EFNB2: variants seen among roughly 807,000 people sequenced by gnomAD.
The protein encoded by EFNB2 is ephrin-B2.
In EFNB2, 5 loss-of-function variants were observed where a neutral mutation model predicts 32.1. The ratio of observed to expected loss-of-function variants is 0.16; its 90% CI spans 0.08 to 0.33. EFNB2 has a LOEUF of 0.33. Ranked by LOEUF, EFNB2 falls within the 10% of genes least tolerant of loss-of-function variation. EFNB2 has a pLI of 1.00. For missense variants in EFNB2, 263 were observed against 422.6 expected (o/e 0.62, Z 3.31); for synonymous variants, 168 against 166.5 (o/e 1.01, Z -0.07).
chr13:106,509,627 C>CTCTGTG (rs1879067124), intron 2 of EFNB2, among the ~76,000 whole-genome samples: 1 of 142,572 alleles, frequency 7.0e-6, no homozygotes, highest in Non-Finnish European at 1.5e-5. Flanking sequence ...CAGAGCTTGA[C>CTCTGTG]TGTGTGTGTG....
chr13:106,520,363 G>C (rs1275533971), intron 1 of EFNB2: 1 of 152,184 alleles, frequency 6.6e-6, no homozygotes, highest in Non-Finnish European at 1.5e-5. Context: ...TAATTGGCTG[G>C]TGTTTCCAGT....
chr13:106,499,946 A>G (rs1371769433), intron 2 of EFNB2, among the ~76,000 whole-genome samples: 1 of 152,184 alleles, frequency 6.6e-6, no homozygotes, highest in Admixed American at 6.5e-5. Flanking sequence ...TTGCGTTCAC[A>G]TCGTCTAAAA....
chr13:106,496,308 C>A (rs1438821032), intron 2 of EFNB2, among the ~76,000 whole-genome samples: 2 of 152,188 alleles, frequency 1.3e-5, no homozygotes, highest in Non-Finnish European at 2.9e-5. Context: ...GTCAAGCATC[C>A]AAGTTCTGTA....
At chr13:106,508,253 G>C (rs1879024465) in intron 2 of EFNB2, among the ~76,000 whole-genome samples, 1 of 152,092 alleles carries the variant, frequency 6.6e-6, no homozygotes, top group Non-Finnish European at 1.5e-5. Context: ...ACACAAGAAG[G>C]CTTTCCCAGT....
intron 2 of EFNB2, among the ~76,000 whole-genome samples, chr13:106,498,818 G>GA (rs981374128): frequency 7.2e-5 from 11 of 152,266 alleles, no homozygotes; most frequent in Middle Eastern, 3.4e-3. Context: ...AAAGTGGGCT[G>GA]AACAGTCTGA....
At chr13:106,510,595 A>G (rs11840214) in intron 2 of EFNB2, among the ~76,000 whole-genome samples, 31,048 of 151,478 alleles carry the variant, frequency 0.2, 4,797 homozygotes, top group African/African-American at 0.43. Flanking sequence ...TTCCCGTACC[A>G]CGACCTTCTT....
At chr13:106,509,978 C>G (rs1594168433) in intron 2 of EFNB2, 1 of 152,202 alleles carries the variant, frequency 6.6e-6, no homozygotes, top group African/African-American at 2.4e-5. Flanking sequence ...CTTCTTAGCC[C>G]TGAGTCCTCC....
At chr13:106,496,048 C>A (rs537728533) in intron 2 of EFNB2, among the ~76,000 whole-genome samples, 2 of 152,216 alleles carry the variant, frequency 1.3e-5, no homozygotes, top group Non-Finnish European at 2.9e-5. Context: ...GAAACACTGC[C>A]GCACGTATGC....
chr13:106,500,587 C>A (rs1043921485), intron 2 of EFNB2, among the ~76,000 whole-genome samples: 1 of 152,190 alleles, frequency 6.6e-6, no homozygotes, highest in Non-Finnish European at 1.5e-5. Flanking sequence ...GTCATGAAAA[C>A]CACAGAGTCG....
Position 106,493,907 on chromosome 13 carries a change from G to A in EFNB2, c.614-479C>T, listed in dbSNP as rs1263354630. On this transcript the variant is annotated intron_variant, in intron 4 of 4. Coordinates refer to ENST00000646441, the MANE Select transcript of EFNB2 (RefSeq NM_004093.4). This position sits in a 1 kb window ranked among gnomAD's most constrained non-coding sequence, Gnocchi z 6.1. ...GCCTCCTGGCAGAACAGAACAGCTCGGGAACGCGGAAGGAGTGAGGGGGCC... is the reference window on the plus strand; with the variant it reads ...GCCTCCTGGCAGAACAGAACAGCTCAGGAACGCGGAAGGAGTGAGGGGGCC... Among the ~76,000 whole-genome samples the A allele has an allele frequency of 1.3e-5, 2 of 152,326 alleles. No individual in the cohort carries two copies. The highest frequency in any genetic ancestry group is 2.9e-5 in the Non-Finnish European group (2 of 68,034).
chr13:106,526,614 CT>C (rs1018188357), intron 1 of EFNB2, among the ~76,000 whole-genome samples: 3 of 151,286 alleles, frequency 2.0e-5, no homozygotes, highest in Admixed American at 1.3e-4. Context: ...CGAGAACTTG[CT>C]TTTTTTTTAA....
At position 106,492,430 on chromosome 13, in the gene EFNB2, T is replaced by C. The variant is rs1396583559; in HGVS notation, c.*610A>G. On this transcript the variant is annotated 3_prime_UTR_variant, in exon 5 of 5. Transcript: ENST00000646441. The surrounding 1 kb of genome is among the most constrained non-coding windows in gnomAD (Gnocchi z 5.1). ...GATTACCCATGGACTGAAGCTGTTGTTGCCAGCGGCTGGAGGAGGGGACTC... is the reference window on the plus strand; with the variant it reads ...GATTACCCATGGACTGAAGCTGTTGCTGCCAGCGGCTGGAGGAGGGGACTC... The C allele has an allele frequency of 1.3e-5, 2 of 152,854 alleles. No homozygotes were observed. Among genetic ancestry groups the C allele is most frequent in the African/African-American group, 2.4e-5 (1 of 41,456 alleles). 9.5% of individuals were successfully genotyped at this position (152,854 alleles called of 1,614,324 possible).
chr13:106,513,763 G>GT (rs11393604), intron 1 of EFNB2, among the ~76,000 whole-genome samples: 136,811 of 152,094 alleles, frequency 0.9, 61,638 homozygotes, highest in Middle Eastern at 0.94. Flanking sequence ...ATCTCAGCTC[G>GT]TTCGTAAGCA....
intron 1 of EFNB2, chr13:106,520,860 T>A (rs2138932676): frequency 6.6e-6 from 1 of 152,264 alleles, no homozygotes; most frequent in Non-Finnish European, 1.5e-5. Context: ...ATCAGAGAAA[T>A]ACTGGGGTGT....
chr13:106,491,302 G>C lies in EFNB2; in HGVS notation c.*1738C>G, dbSNP rs376225757. Reference sequence around the variant, plus strand: ...GTCTACGGTTCCGTGAGATGCCTTCGGAGGACTTGGTTATTTTTGCATTTG... The same window carrying C: ...GTCTACGGTTCCGTGAGATGCCTTCCGAGGACTTGGTTATTTTTGCATTTG... On this transcript the variant is annotated 3_prime_UTR_variant, in exon 5 of 5. Transcript: ENST00000646441. The C allele has an allele frequency of 6.6e-6, 1 of 152,560 alleles. No homozygotes were observed. Among genetic ancestry groups the C allele is most frequent in the Non-Finnish European group, 1.5e-5 (1 of 68,036 alleles). The allele number at this position is 152,560 out of a possible 1,614,324, so 9.5% of individuals were successfully genotyped here.
intron 1 of EFNB2, among the ~76,000 whole-genome samples, chr13:106,513,504 CT>C (rs953908937): frequency 1.3e-5 from 2 of 151,780 alleles, no homozygotes; most frequent in South Asian, 2.1e-4. Context: ...CCCTATAAAT[CT>C]TTTTTTTTCT....
In EFNB2 at chr13:106,492,189, T is replaced by G. The variant is rs1447719415; in HGVS notation, c.*851A>C. The G allele has an allele frequency of 1.3e-5, 2 of 152,738 alleles. No homozygotes were observed. The highest frequency in any genetic ancestry group is 2.9e-5 in the Non-Finnish European group (2 of 68,086). 9.5% of individuals were successfully genotyped at this position (152,738 alleles called of 1,614,324 possible). On this transcript the variant is annotated 3_prime_UTR_variant, in exon 5 of 5. Coordinates refer to ENST00000646441, the MANE Select transcript of EFNB2 (RefSeq NM_004093.4). This position sits in a 1 kb window ranked among gnomAD's most constrained non-coding sequence, Gnocchi z 5.1. The stretch of plus-strand genomic sequence containing the variant: ...TGTGCTGTCGTGTCTCCTACTGGCC[T>G]CTTCGATCTCAGCAAAACCAAAGTG...
intron 2 of EFNB2, among the ~76,000 whole-genome samples, chr13:106,507,881 A>G (rs754432286): frequency 1.3e-5 from 2 of 152,236 alleles, no homozygotes; most frequent in Non-Finnish European, 2.9e-5. Flanking sequence ...TTGCAGCAAA[A>G]TAATGCAAAA....
chr13:106,518,157 G>C lies in EFNB2; in HGVS notation c.123-5345C>G, dbSNP rs1397337749. The C allele has an allele frequency of 6.6e-6, 1 of 152,210 alleles. No homozygotes were observed. Among genetic ancestry groups the C allele is most frequent in the East Asian group, 1.9e-4 (1 of 5,188 alleles). The allele number at this position is 152,210 out of a possible 1,614,324, so 9.4% of individuals were successfully genotyped here. ...GTTCAAGACCAGCCTGGCCAAGATG[G>C]TAAAACCCCGTCTCTATTAAAAATA... On this transcript the variant is annotated intron_variant, in intron 1 of 4. Transcript: ENST00000646441. The surrounding 1 kb of genome is among the most constrained non-coding windows in gnomAD (Gnocchi z 4.1).
Sources: gnomAD v4.1 joint callset for allele counts (sites outside exome capture counted in the v4.1 genomes callset) on GRCh38, gnomAD v4.1.1 for gene constraint, Gnocchi (gnomAD v3.1) non-coding constraint, MANE v1.5 for transcripts, NCBI Gene and HGNC (gene_info 2026-07-23, HGNC 2026-07-21) for gene names.